Variants in ATL1 observed in about 807,000 individuals in gnomAD.
ATL1 encodes atlastin-1.
Under a neutral mutation model 75.5 loss-of-function variants are expected in ATL1, and 31 were observed. The ratio of observed to expected loss-of-function variants is 0.41; its 90% confidence interval spans 0.31 to 0.55. The LOEUF (loss-of-function observed/expected upper bound fraction) is 0.55, where lower values mean the gene tolerates loss of function less well. Ranked by LOEUF, ATL1 falls within the 20% of genes least tolerant of loss-of-function variation. The pLI, the probability that ATL1 is intolerant of heterozygous loss-of-function variation, is 0.27. For missense variants in ATL1, 405 were observed against 662.6 expected (o/e 0.61, Z 4.27); for synonymous variants, 226 against 233.3 (o/e 0.97, Z 0.28).
intron 1 of ATL1, among the ~76,000 whole-genome samples, chr14:50,552,270 A>C (rs1394809197): frequency 1.3e-5 from 2 of 152,048 alleles, no homozygotes; most frequent in Non-Finnish European, 2.9e-5. Flanking sequence ...CAGCTGCAAA[A>C]AAAAATTAAT....
chr14:50,570,315 T>C (rs141711590), intron 1 of ATL1, among the ~76,000 whole-genome samples: 1 of 152,330 alleles, frequency 6.6e-6, no homozygotes, highest in African/African-American at 2.4e-5. Context: ...TTTTGTCTGC[T>C]CAAATCTGTC....
At chr14:50,571,096 C>G (rs1366031932) in intron 1 of ATL1, among the ~76,000 whole-genome samples, 1 of 151,990 alleles carries the variant, frequency 6.6e-6, no homozygotes, top group East Asian at 1.9e-4. Context: ...CTTTAAGTAC[C>G]CTGGAAGTCA....
intron 1 of ATL1, among the ~76,000 whole-genome samples, chr14:50,570,377 C>G (rs574691918): frequency 6.6e-5 from 10 of 151,874 alleles, no homozygotes; most frequent in Non-Finnish European, 8.8e-5. Context: ...TTTTAAGCTT[C>G]TTTTTTTCTT....
At chr14:50,629,368 G>A (rs2140240270) in intron 12 of ATL1, among the ~76,000 whole-genome samples, 1 of 152,184 alleles carries the variant, frequency 6.6e-6, no homozygotes, top group East Asian at 1.9e-4. Flanking sequence ...GATCATCTGA[G>A]GTCGGGAGTT....
chr14:50,577,053 A>C (rs1056238925), intron 1 of ATL1, among the ~76,000 whole-genome samples: 1 of 151,938 alleles, frequency 6.6e-6, no homozygotes, highest in African/African-American at 2.4e-5. Context: ...CTTCTGTTAT[A>C]AGTTTTTGTT....
intron 1 of ATL1, among the ~76,000 whole-genome samples, chr14:50,577,786 T>TAACA (rs1178422339): frequency 6.6e-6 from 1 of 152,200 alleles, no homozygotes; most frequent in East Asian, 1.9e-4. Flanking sequence ...ACTGGCTTCT[T>TAACA]AACATAGTGT....
At chr14:50,606,155 A>T (rs766810102) in intron 6 of ATL1, among the ~76,000 whole-genome samples, 2 of 151,986 alleles carry the variant, frequency 1.3e-5, no homozygotes, top group Non-Finnish European at 2.9e-5. Flanking sequence ...TGGAGTCAGC[A>T]TTTTATTTTG....
chr14:50,610,111 GA>G (rs2039350004), intron 6 of ATL1, among the ~76,000 whole-genome samples: 1 of 151,678 alleles, frequency 6.6e-6, no homozygotes, highest in African/African-American at 2.4e-5. Context: ...CCCTTAAGAA[GA>G]AAATGAAACA....
chr14:50,538,352 G>A (rs1001221425), intron 1 of ATL1, among the ~76,000 whole-genome samples: 5 of 152,258 alleles, frequency 3.3e-5, no homozygotes, highest in South Asian at 4.1e-4. Context: ...TCTTGGGTAC[G>A]TCTTTATCAG....
At position 50,560,149 on chromosome 14, in the gene ATL1, T is replaced by C; in HGVS notation, c.-117T>C. Reference sequence around the variant, plus strand: ...CAGCGCCACAGCAACATCCTCAGAGTCTGAGCGAACTGCGCCCAGCGCGGG... The same window carrying C: ...CAGCGCCACAGCAACATCCTCAGAGCCTGAGCGAACTGCGCCCAGCGCGGG... On this transcript the variant is annotated 5_prime_UTR_variant, in exon 1 of 14. Transcript: ENST00000358385. 1 of 1,237,272 alleles carries C rather than the reference T, an allele frequency of 8.1e-7. No individual in the cohort carries two copies. Among genetic ancestry groups the C allele is most frequent in the Non-Finnish European group, 1.2e-6 (1 of 859,334 alleles). 76.6% of individuals were successfully genotyped at this position (1,237,272 alleles called of 1,614,324 possible).
chr14:50,579,713 T>G (rs1458369884), intron 1 of ATL1, among the ~76,000 whole-genome samples: 2 of 152,308 alleles, frequency 1.3e-5, no homozygotes, highest in Middle Eastern at 6.8e-3. Flanking sequence ...TAGATTTCAG[T>G]GGTATGTTGG....
At chr14:50,601,629 G>C (rs2039272848) in intron 6 of ATL1, among the ~76,000 whole-genome samples, 1 of 152,148 alleles carries the variant, frequency 6.6e-6, no homozygotes, top group African/African-American at 2.4e-5. Flanking sequence ...AGCACGCCCA[G>C]GAAGTATAAT....
At chr14:50,543,091 G>C (rs987410524) in intron 1 of ATL1, among the ~76,000 whole-genome samples, 1 of 152,230 alleles carries the variant, frequency 6.6e-6, no homozygotes, top group East Asian at 1.9e-4. Context: ...TATACAAGAA[G>C]ATCTGTTCTC....
intron 1 of ATL1, among the ~76,000 whole-genome samples, chr14:50,549,630 T>C (rs1938922890): frequency 6.6e-6 from 1 of 152,160 alleles, no homozygotes; most frequent in Non-Finnish European, 1.5e-5. Context: ...GTTTCATATA[T>C]GGCATGCTAC....
At chr14:50,580,285 T>G (rs911190591) in intron 1 of ATL1, among the ~76,000 whole-genome samples, 1 of 152,178 alleles carries the variant, frequency 6.6e-6, no homozygotes, top group African/African-American at 2.4e-5. Context: ...TTTCACTGAC[T>G]TTGGGAGAAA....
chr14:50,549,557 T>C (rs1270469923), intron 1 of ATL1, among the ~76,000 whole-genome samples: 1 of 152,176 alleles, frequency 6.6e-6, no homozygotes, highest in Non-Finnish European at 1.5e-5. Flanking sequence ...TACACAACAA[T>C]TGGGGCCTTC....
chr14:50,540,474 C>G (rs772571822), intron 1 of ATL1, among the ~76,000 whole-genome samples: 1 of 152,116 alleles, frequency 6.6e-6, no homozygotes, highest in Non-Finnish European at 1.5e-5. Context: ...CATAGTGCAG[C>G]CAGGTATAAA....
chr14:50,588,659 T>G (rs933263947), intron 2 of ATL1, among the ~76,000 whole-genome samples: 8 of 151,956 alleles, frequency 5.3e-5, no homozygotes, highest in Admixed American at 2.0e-4. Context: ...GAGGCCGAGG[T>G]GGGTGGATCA....
chr14:50,604,277 G>A (rs192145306), intron 6 of ATL1, among the ~76,000 whole-genome samples: 2 of 152,110 alleles, frequency 1.3e-5, no homozygotes, highest in Non-Finnish European at 2.9e-5. Context: ...ATCTTTTAGG[G>A]CTTCTCTTTG....
Sources: gnomAD v4.1 joint callset for allele counts (sites outside exome capture counted in the v4.1 genomes callset) on GRCh38, gnomAD v4.1.1 for gene constraint, MANE v1.5 for transcripts, NCBI Gene and HGNC (gene_info 2026-07-23, HGNC 2026-07-21) for gene names.